The following CAPN7 variants were observed in gnomAD, a reference collection of about 807,000 sequenced individuals.
CAPN7 encodes calpain-7.
In CAPN7, 72 loss-of-function variants were observed where a neutral mutation model predicts 115.2. That is an observed-to-expected ratio of 0.63 (90% CI 0.52 to 0.76). The LOEUF (loss-of-function observed/expected upper bound fraction) is 0.76, where lower values mean the gene tolerates loss of function less well. CAPN7 is among the 30% of genes least tolerant of loss of function. CAPN7 has a pLI of 0.00. For synonymous variants in CAPN7, 344 were observed against 322.3 expected, an observed-to-expected ratio of 1.07 and a Z score of -0.72; for missense variants, 905 against 971.5, an observed-to-expected ratio of 0.93 and a Z score of 0.91.
chr3:15,207,010 C>T (rs2044667539), intron 1 of CAPN7, among the ~76,000 whole-genome samples: 1 of 152,232 alleles, frequency 6.6e-6, no homozygotes, highest in South Asian at 2.1e-4. Flanking sequence ...AAACCATCTC[C>T]TGTCATAGCA....
chr3:15,243,081 G>T (rs1328838793), intron 16 of CAPN7, among the ~76,000 whole-genome samples: 2 of 152,088 alleles, frequency 1.3e-5, no homozygotes, highest in South Asian at 2.1e-4. Flanking sequence ...CTTTGAGCAG[G>T]GATGAGAAGA....
At chr3:15,228,471 CCAT>C (rs1397821062) in intron 7 of CAPN7, among the ~76,000 whole-genome samples, 2 of 152,216 alleles carry the variant, frequency 1.3e-5, no homozygotes, top group Admixed American at 6.5e-5. Context: ...ACCTAAATGC[CCAT>C]CAGTGACAGA....
chr3:15,236,679 A>G (rs921673426), intron 12 of CAPN7, among the ~76,000 whole-genome samples: 4 of 152,272 alleles, frequency 2.6e-5, no homozygotes, highest in African/African-American at 4.8e-5. Context: ...GCTCTGTGGT[A>G]TAGCCTAGTG....
intron 12 of CAPN7, 102 bp downstream of exon 12, chr3:15,235,247 T>A (rs1211408706): frequency 4.8e-6 from 5 of 1,046,896 alleles, no homozygotes; most frequent in Admixed American, 5.3e-5. Flanking sequence ...AATCAAGGTT[T>A]AAGTGGAGTT....
intron 1 of CAPN7, 55 bp downstream of exon 1, chr3:15,206,652 G>A: frequency 7.5e-7 from 1 of 1,326,696 alleles, no homozygotes; most frequent in African/African-American, 1.5e-5. Flanking sequence ...TGCGGCCCGG[G>A]CCTGCGGCCG....
At chr3:15,242,369 T>C (rs1419662528) in intron 16 of CAPN7, 116 bp downstream of exon 16, 1 of 639,076 alleles carries the variant, frequency 1.6e-6, no homozygotes, top group Non-Finnish European at 2.6e-6. Context: ...ATTATGTTGA[T>C]AGACTAATAG....
intron 10 of CAPN7, 38 bp downstream of exon 10, chr3:15,232,703 G>C: frequency 6.5e-7 from 1 of 1,543,992 alleles, no homozygotes; most frequent in African/African-American, 1.4e-5. Flanking sequence ...ACAGATTTAA[G>C]CTATCTAATA....
intron 6 of CAPN7, among the ~76,000 whole-genome samples, chr3:15,224,209 G>T (rs1035719148): frequency 6.6e-6 from 1 of 151,064 alleles, no homozygotes; most frequent in African/African-American, 2.4e-5. Context: ...ATTTAAAACT[G>T]TAGGAAAAAA....
chr3:15,226,156 A>C lies in CAPN7; in HGVS notation c.726-1683A>C, dbSNP rs1694302813. ...AGTGGTGCGATCTCAGCTCACTGCA[A>C]CCTCCGTCTCCCAGATTCAAGAGAT... On this transcript the variant is annotated intron_variant, in intron 6 of 20. Transcript: ENST00000253693. 3.9e-5 allele frequency among the ~76,000 whole-genome samples: 6 copies of C among 151,956 alleles called. 1 individual carries two copies. In the South Asian group the frequency reaches 1.2e-3, roughly 32 times the overall value.
intron 12 of CAPN7, among the ~76,000 whole-genome samples, chr3:15,238,111 T>C (rs866758716): frequency 0.021 from 2,177 of 105,818 alleles, 11 homozygotes; most frequent in Non-Finnish European, 0.027. Context: ...CTGACTTCTT[T>C]TTTTTTTTTT....
chr3:15,229,160 A>C, intron 8 of CAPN7, 101 bp downstream of exon 8: 1 of 750,170 alleles, frequency 1.3e-6, no homozygotes, highest in South Asian at 1.8e-5. Context: ...AGGGCATATC[A>C]TTCAGAATAT....
intron 16 of CAPN7, among the ~76,000 whole-genome samples, chr3:15,242,505 T>G (rs551736973): frequency 2.0e-5 from 3 of 152,358 alleles, no homozygotes; most frequent in East Asian, 3.9e-4. Flanking sequence ...TTTCTGAAAC[T>G]TAAATGATGT....
At chr3:15,211,074 ATTTTCTTAAAATTAAAATAAGTG>A (rs2044913327) in intron 1 of CAPN7, among the ~76,000 whole-genome samples, 1 of 152,170 alleles carries the variant, frequency 6.6e-6, no homozygotes, top group Admixed American at 6.5e-5. Flanking sequence ...AAGAATCCAG[ATTTTCTTAAAATTAAAATAAGTG>A]TAATTTATAC....
chr3:15,225,320 G>A (rs920586245), intron 6 of CAPN7, among the ~76,000 whole-genome samples: 4 of 152,088 alleles, frequency 2.6e-5, no homozygotes, highest in Non-Finnish European at 5.9e-5. Context: ...TCAAAAATTC[G>A]TACGAAAGCG....
chr3:15,206,988 TAAA>T (rs1022034134), intron 1 of CAPN7, among the ~76,000 whole-genome samples: 9 of 152,364 alleles, frequency 5.9e-5, no homozygotes, highest in African/African-American at 2.2e-4. Context: ...TAAATAAACT[TAAA>T]AAGAATAAAA....
chr3:15,225,436 A>C (rs1465111467), intron 6 of CAPN7, among the ~76,000 whole-genome samples: 1 of 152,222 alleles, frequency 6.6e-6, no homozygotes, highest in Non-Finnish European at 1.5e-5. Context: ...TTTTTGCAAC[A>C]AATTAATGTA....
At chr3:15,229,553 C>CTTTTTTCTTTTTT (rs1559398769) in intron 8 of CAPN7, among the ~76,000 whole-genome samples, 10 of 88,294 alleles carry the variant, frequency 1.1e-4, no homozygotes, top group African/African-American at 3.8e-4. Flanking sequence ...ATTGGTTTTA[C>CTTTTTTCTTTTTT]TTTTTTTCTT....
intron 11 of CAPN7, among the ~76,000 whole-genome samples, 167 bp from the exon 12 acceptor site, chr3:15,234,858 A>T (rs41284027): frequency 4.7e-4 from 72 of 152,302 alleles, no homozygotes; most frequent in Non-Finnish European, 8.2e-4. Context: ...GAAATGTGAT[A>T]ATTTATTTTA....
chr3:15,220,342 A>G (rs1194139415), intron 4 of CAPN7, among the ~76,000 whole-genome samples: 1 of 152,246 alleles, frequency 6.6e-6, no homozygotes, highest in Non-Finnish European at 1.5e-5. Context: ...CTCAAGCATC[A>G]GTTCAGAGCA....
Sources: gnomAD v4.1 joint callset for allele counts (sites outside exome capture counted in the v4.1 genomes callset) on GRCh38, gnomAD v4.1.1 for gene constraint, MANE v1.5 for transcripts, NCBI Gene and HGNC (gene_info 2026-07-23, HGNC 2026-07-21) for gene names.